Variants in TNR observed in about 807,000 individuals in gnomAD.
TNR encodes the protein tenascin R.
TNR carries 45 observed loss-of-function variants against 150.4 expected under a neutral mutation model. That is an observed-to-expected ratio of 0.30 (90% CI 0.24 to 0.38). The LOEUF (loss-of-function observed/expected upper bound fraction) is 0.38, where lower values mean the gene tolerates loss of function less well. TNR is among the 10% of genes least tolerant of loss of function. TNR has a pLI of 1.00. For missense variants in TNR, 1,544 were observed against 1,759.1 expected, an observed-to-expected ratio of 0.88 and a Z score of 2.19; for synonymous variants, 687 against 678.4, an observed-to-expected ratio of 1.01 and a Z score of -0.20.
chr1:175,432,460 G>A (rs1655317962), intron 2 of TNR, among the ~76,000 whole-genome samples: 1 of 152,072 alleles, frequency 6.6e-6, no homozygotes, highest in South Asian at 2.1e-4. Context: ...GATAGAAAAC[G>A]GGCACCCGGT....
At chr1:175,387,913 G>A (rs1307609557) in intron 7 of TNR, among the ~76,000 whole-genome samples, 1 of 152,152 alleles carries the variant, frequency 6.6e-6, no homozygotes, top group Non-Finnish European at 1.5e-5. Flanking sequence ...TAGGGCTTTT[G>A]GTCCAGCACC....
At chr1:175,437,109 C>T (rs9793649) in intron 2 of TNR, among the ~76,000 whole-genome samples, 2 of 151,968 alleles carry the variant, frequency 1.3e-5, no homozygotes, top group Admixed American at 6.6e-5. Flanking sequence ...AATTCCAAAA[C>T]TGACCACATA....
chr1:175,348,925 A>C lies in TNR; in HGVS notation c.3382+5466T>G, dbSNP rs1650925460. On this transcript the variant is annotated intron_variant, in intron 18 of 22. Coordinates refer to ENST00000367674, the MANE Select transcript of TNR (RefSeq NM_003285.3). ...TACAGGAACCCGGTGGAAAATTGAC[A>C]AACTATATGAGCAGGAAATTTAGAG... Among the ~76,000 whole-genome samples, 5 of 152,226 alleles carry C rather than the reference A, an allele frequency of 3.3e-5. No homozygotes were observed. In the South Asian group the frequency reaches 1.0e-3, roughly 31 times the overall value.
At chr1:175,655,934 A>T (rs1249027976) in intron 1 of TNR, among the ~76,000 whole-genome samples, 1 of 152,156 alleles carries the variant, frequency 6.6e-6, no homozygotes, top group African/African-American at 2.4e-5. Flanking sequence ...TTGTAGGGTT[A>T]GGGTTACACA....
chr1:175,321,114 G>A lies in TNR; in HGVS notation c.*2243C>T, dbSNP rs564246306. Reference sequence around the variant, plus strand: ...GCTTCCTACTATTCATTGTTGCCCCGTCTCTAGGTAAGTCTTCTGTAATTT... The same window carrying A: ...GCTTCCTACTATTCATTGTTGCCCCATCTCTAGGTAAGTCTTCTGTAATTT... On this transcript the variant is annotated 3_prime_UTR_variant, in exon 23 of 23. Coordinates refer to ENST00000367674, the MANE Select transcript of TNR (RefSeq NM_003285.3). The A allele has an allele frequency of 1.6e-4, 25 of 152,148 alleles. No homozygotes were observed. The highest frequency in any genetic ancestry group is 5.8e-4 in the East Asian group (3 of 5,190). 9.4% of individuals were successfully genotyped at this position (152,148 alleles called of 1,614,324 possible). A position where few individuals can be genotyped will look rare whatever the true frequency, so the allele number is the denominator to read the frequency against.
rs1648878160 is a variant in TNR at position 175,317,514 on chromosome 1, A to G, written c.*5843T>C. 1 of 152,234 alleles carries G rather than the reference A, an allele frequency of 6.6e-6. No homozygotes were observed. The highest frequency in any genetic ancestry group is 1.5e-5 in the Non-Finnish European group (1 of 68,058). 9.4% of individuals were successfully genotyped at this position (152,234 alleles called of 1,614,324 possible). ...CTGCTAAACCAGTGATGGGAAGAAA[A>G]TAACAGTTCATGCATTCTTGTCCTT... On this transcript the variant is annotated 3_prime_UTR_variant, in exon 23 of 23. Transcript: ENST00000367674.
intron 7 of TNR, 42 bp downstream of exon 7, chr1:175,391,246 A>ACC: frequency 6.2e-7 from 1 of 1,601,664 alleles, no homozygotes; most frequent in Non-Finnish European, 8.5e-7. Context: ...TTTCCAAGTG[A>ACC]CCTAGTAGGC....
chr1:175,549,002 T>G lies in TNR; in HGVS notation c.-164-20633A>C, dbSNP rs1171798448. ...GTGCCAAGGAGCTGTCTCTCATTGG[T>G]AATATCTTCATGCAGCTGCTAGGAC... On this transcript the variant is annotated intron_variant, in intron 1 of 22. Transcript: ENST00000367674. Among the ~76,000 whole-genome samples the G allele has an allele frequency of 2.0e-5, 3 of 152,328 alleles. No homozygotes were observed. In the East Asian group the frequency reaches 5.8e-4, roughly 29 times the overall value.
At chr1:175,555,511 GAGAGAAA>G (rs1661118447) in intron 1 of TNR, among the ~76,000 whole-genome samples, 1 of 77,248 alleles carries the variant, frequency 1.3e-5, no homozygotes, top group African/African-American at 5.9e-5. Flanking sequence ...ACCGACAACT[GAGAGAAA>G]AAAAAAAAAA....
chr1:175,462,782 C>T (rs1178865140), intron 2 of TNR, among the ~76,000 whole-genome samples: 1 of 152,162 alleles, frequency 6.6e-6, no homozygotes, highest in African/African-American at 2.4e-5. Context: ...ATGATAACAA[C>T]ACCCTTCCAC....
chr1:175,414,982 G>A (rs550288982), intron 2 of TNR, among the ~76,000 whole-genome samples: 2 of 151,534 alleles, frequency 1.3e-5, no homozygotes, highest in South Asian at 2.1e-4. Context: ...TGAAATGAGC[G>A]TGAAGGTTGT....
intron 1 of TNR, among the ~76,000 whole-genome samples, chr1:175,531,406 T>C (rs1289503707): frequency 6.6e-6 from 1 of 152,234 alleles, no homozygotes; most frequent in African/African-American, 2.4e-5. Context: ...AGGATTATTA[T>C]CACAGCCATT....
chr1:175,714,477 C>A (rs150873638), intron 1 of TNR, among the ~76,000 whole-genome samples: 1 of 152,192 alleles, frequency 6.6e-6, no homozygotes, highest in Admixed American at 6.5e-5. Context: ...GCTGGCACTG[C>A]GCCCCAGAAG....
chr1:175,661,289 C>G (rs994401389), intron 1 of TNR, among the ~76,000 whole-genome samples: 1 of 152,188 alleles, frequency 6.6e-6, no homozygotes, highest in African/African-American at 2.4e-5. Flanking sequence ...TCACAAGGAG[C>G]AGGAATGAGC....
At chr1:175,478,610 TA>T (rs879714776) in intron 2 of TNR, among the ~76,000 whole-genome samples, 541 of 144,962 alleles carry the variant, frequency 3.7e-3, no homozygotes, top group Middle Eastern at 7.1e-3. Flanking sequence ...CTCCCTACAT[TA>T]AAAAAAAAAA....
chr1:175,473,662 C>T (rs957297394), intron 2 of TNR, among the ~76,000 whole-genome samples: 3 of 152,194 alleles, frequency 2.0e-5, no homozygotes, highest in Admixed American at 1.3e-4. Context: ...TCTGATTCTG[C>T]CCGCTAGACC....
At chr1:175,669,370 G>A (rs568483139) in intron 1 of TNR, among the ~76,000 whole-genome samples, 132 of 152,272 alleles carry the variant, frequency 8.7e-4, no homozygotes, top group Non-Finnish European at 6.9e-4. Context: ...CTCCAAGTTT[G>A]TCTAATTCCA....
intron 13 of TNR, 88 bp from the exon 14 acceptor site, chr1:175,362,897 T>C: frequency 2.0e-6 from 3 of 1,529,416 alleles, no homozygotes; most frequent in Non-Finnish European, 2.7e-6. Flanking sequence ...AAAGCACAGA[T>C]GGGTGTGGGA....
At chr1:175,434,615 C>T (rs1258637875) in intron 2 of TNR, among the ~76,000 whole-genome samples, 1 of 152,162 alleles carries the variant, frequency 6.6e-6, no homozygotes, top group African/African-American at 2.4e-5. Context: ...CTCATTAACT[C>T]GACAATAAAA....
Sources: allele counts gnomAD v4.1 joint callset (sites outside exome capture counted in the v4.1 genomes callset), GRCh38; gene constraint gnomAD v4.1.1; transcripts MANE v1.5; gene names NCBI Gene and HGNC (gene_info 2026-07-23, HGNC 2026-07-21).